MCTP1: variants seen among roughly 807,000 people sequenced by gnomAD.
MCTP1 encodes multiple C2 and transmembrane domain containing 1.
Under a neutral mutation model 120.6 loss-of-function variants are expected in MCTP1, and 69 were observed. The ratio of observed to expected loss-of-function variants is 0.57; its 90% CI spans 0.47 to 0.70. The LOEUF (loss-of-function observed/expected upper bound fraction) is 0.70, where lower values mean the gene tolerates loss of function less well. Ranked by LOEUF, MCTP1 falls within the 30% of genes least tolerant of loss-of-function variation. The probability of loss-of-function intolerance (pLI) is 0.00; values close to 1 mark genes in which losing one functional copy is unlikely to be tolerated. For synonymous variants in MCTP1, 529 were observed against 493.1 expected (o/e 1.07, Z -0.96); for missense variants, 1,203 against 1,248.8 (o/e 0.96, Z 0.55).
intron 1 of MCTP1, among the ~76,000 whole-genome samples, chr5:95,269,734 T>C (rs1582703202): frequency 6.6e-6 from 1 of 152,180 alleles, no homozygotes; most frequent in Non-Finnish European, 1.5e-5. Flanking sequence ...TTGGTAGCAA[T>C]CAGATGTCTG....
chr5:94,815,870 C>G (rs1784391133), intron 17 of MCTP1, among the ~76,000 whole-genome samples: 1 of 152,084 alleles, frequency 6.6e-6, no homozygotes, highest in Non-Finnish European at 1.5e-5. Context: ...AAAGAGAGGG[C>G]AATATGCGAC....
intron 19 of MCTP1, among the ~76,000 whole-genome samples, chr5:94,770,596 A>C (rs955109733): frequency 5.9e-5 from 9 of 152,202 alleles, no homozygotes; most frequent in African/African-American, 2.2e-4. Flanking sequence ...GGAATGTTGG[A>C]GACAGATATC....
chr5:95,168,461 C>A (rs1379816695), intron 1 of MCTP1, among the ~76,000 whole-genome samples: 1 of 152,164 alleles, frequency 6.6e-6, no homozygotes, highest in Non-Finnish European at 1.5e-5. Context: ...ATGGGGATGG[C>A]ATTGAATCTA....
At chr5:95,048,358 A>T (rs1330827645) in intron 1 of MCTP1, among the ~76,000 whole-genome samples, 1 of 152,190 alleles carries the variant, frequency 6.6e-6, no homozygotes, top group South Asian at 2.1e-4. Context: ...AGAGAAACAG[A>T]GGATTATAAT....
chr5:94,994,194 G>A (rs1377654948), intron 2 of MCTP1, among the ~76,000 whole-genome samples: 4 of 152,156 alleles, frequency 2.6e-5, no homozygotes, highest in African/African-American at 7.2e-5. Flanking sequence ...TCATCTAACC[G>A]TAGGCCTTAG....
At chr5:95,181,497 G>C (rs936437049) in intron 1 of MCTP1, among the ~76,000 whole-genome samples, 3 of 152,128 alleles carry the variant, frequency 2.0e-5, no homozygotes, top group Admixed American at 6.5e-5. Flanking sequence ...TTATATAAAA[G>C]AGCACTTCCT....
chr5:94,707,983 A>C lies in MCTP1; in HGVS notation c.2929-416T>G, dbSNP rs566028417. 5.3e-5 allele frequency among the ~76,000 whole-genome samples: 8 copies of C among 151,878 alleles called. No individual in the cohort carries two copies. In the East Asian group the frequency reaches 1.2e-3, roughly 22 times the overall value. ...CCCAGCTTCAGGATTTAAAAAAAAAAAAACAAACTTCTTTTATTTTGAAAA... is the reference window on the plus strand; with the variant it reads ...CCCAGCTTCAGGATTTAAAAAAAAACAAACAAACTTCTTTTATTTTGAAAA... On this transcript the variant is annotated intron_variant, in intron 22 of 22. Transcript: ENST00000515393.
intron 1 of MCTP1, among the ~76,000 whole-genome samples, chr5:95,189,002 A>T (rs1749542726): frequency 6.6e-6 from 1 of 152,140 alleles, no homozygotes. Flanking sequence ...AAAAATCTCA[A>T]AATAAAAAGG....
chr5:94,769,024 T>C (rs186669526), intron 19 of MCTP1, among the ~76,000 whole-genome samples: 3 of 152,242 alleles, frequency 2.0e-5, no homozygotes, highest in Admixed American at 2.0e-4. Context: ...GCAAATGTGG[T>C]ACATATGTAC....
intron 1 of MCTP1, among the ~76,000 whole-genome samples, chr5:95,261,490 C>A (rs1308114235): frequency 6.6e-6 from 1 of 152,192 alleles, no homozygotes; most frequent in Non-Finnish European, 1.5e-5. Context: ...TACTTGCAAT[C>A]TCCATTTAAT....
At chr5:95,068,690 A>G in intron 1 of MCTP1, 1 of 704,014 alleles carries the variant, frequency 1.4e-6, no homozygotes, top group Non-Finnish European at 2.0e-6. Flanking sequence ...TTGCATTACT[A>G]TGGTTTTCAC....
At chr5:94,718,590 T>C (rs1000188947) in intron 19 of MCTP1, among the ~76,000 whole-genome samples, 6 of 152,114 alleles carry the variant, frequency 3.9e-5, no homozygotes, top group African/African-American at 1.4e-4. Flanking sequence ...ACCCACAGAA[T>C]GGCAGAAAAT....
chr5:94,858,711 T>C (rs1457457868), intron 17 of MCTP1, among the ~76,000 whole-genome samples: 2 of 151,742 alleles, frequency 1.3e-5, no homozygotes, highest in African/African-American at 4.8e-5. Context: ...TTCAGTCTCC[T>C]GTCCTGTAAA....
intron 2 of MCTP1, among the ~76,000 whole-genome samples, chr5:94,970,019 A>C (rs1383609489): frequency 6.6e-6 from 1 of 152,016 alleles, no homozygotes; most frequent in Middle Eastern, 3.2e-3. Flanking sequence ...ATAAAAGTAA[A>C]CCAACATTTT....
chr5:94,882,711 T>C (rs1370126162), intron 12 of MCTP1, among the ~76,000 whole-genome samples: 1 of 152,142 alleles, frequency 6.6e-6, no homozygotes, highest in Non-Finnish European at 1.5e-5. Context: ...AATTATTTTA[T>C]AGTATTTCTC....
chr5:94,793,981 G>A lies in MCTP1; in HGVS notation c.2556+5032C>T, dbSNP rs958650230. Among the ~76,000 whole-genome samples the A allele has an allele frequency of 2.6e-5, 4 of 152,238 alleles. No homozygotes were observed. The East Asian group carries it at 7.7e-4, about 29-fold the overall frequency. The stretch of plus-strand genomic sequence containing the variant: ...ACAATATTCAGTACTATTCTAAAAG[G>A]GAAATGAAGAAACAAATGCTTTGTC... On this transcript the variant is annotated intron_variant, in intron 18 of 22. Coordinates refer to ENST00000515393, the MANE Select transcript of MCTP1 (RefSeq NM_024717.7).
chr5:94,731,425 C>T (rs951860860), intron 19 of MCTP1, among the ~76,000 whole-genome samples: 1 of 152,120 alleles, frequency 6.6e-6, no homozygotes, highest in Non-Finnish European at 1.5e-5. Context: ...AGTAAGTTCT[C>T]AAAAATGTTA....
intron 1 of MCTP1, among the ~76,000 whole-genome samples, chr5:95,075,334 A>G (rs1285780329): frequency 6.6e-6 from 1 of 152,234 alleles, no homozygotes; most frequent in Non-Finnish European, 1.5e-5. Context: ...CTATAAATAT[A>G]AGTTAACTTC....
intron 1 of MCTP1, among the ~76,000 whole-genome samples, chr5:95,100,574 A>G (rs1297312358): frequency 1.3e-5 from 2 of 152,270 alleles, no homozygotes; most frequent in East Asian, 3.8e-4. Flanking sequence ...AAGAATTTGT[A>G]TAAAGAATAC....
Sources: gnomAD v4.1 joint callset for allele counts (sites outside exome capture counted in the v4.1 genomes callset) on GRCh38, gnomAD v4.1.1 for gene constraint, MANE v1.5 for transcripts, NCBI Gene and HGNC (gene_info 2026-07-23, HGNC 2026-07-21) for gene names.